MPRIP: variants seen among roughly 807,000 people sequenced by gnomAD.
The protein encoded by MPRIP is myosin phosphatase Rho interacting protein.
Under a neutral mutation model 234.9 loss-of-function variants are expected in MPRIP, and 59 were observed. That is an observed-to-expected ratio of 0.25 (90% CI 0.20 to 0.31). MPRIP has a LOEUF of 0.31. Ranked by LOEUF, MPRIP falls within the 10% of genes least tolerant of loss-of-function variation. The pLI is 1.00. For synonymous variants in MPRIP, 1,144 were observed against 1,263.9 expected (o/e 0.91, Z 2.01); for missense variants, 2,436 against 3,071.0 (o/e 0.79, Z 4.89).
At chr17:17,147,177 G>A (rs1252923415) in intron 10 of MPRIP, 142 bp from the exon 11 acceptor site, 1 of 759,468 alleles carries the variant, frequency 1.3e-6, no homozygotes, top group Non-Finnish European at 2.3e-6. Context: ...TCTGTATGCT[G>A]TCAAGGGAGG....
chr17:17,045,516 A>C (rs986357469), intron 1 of MPRIP, among the ~76,000 whole-genome samples: 2 of 152,196 alleles, frequency 1.3e-5, no homozygotes, highest in African/African-American at 4.8e-5. Flanking sequence ...CAGGATTCTG[A>C]AGCCAATGTT....
intron 3 of MPRIP, among the ~76,000 whole-genome samples, chr17:17,118,772 C>G (rs1400898455): frequency 6.6e-6 from 1 of 152,162 alleles, no homozygotes; most frequent in Admixed American, 6.5e-5. Context: ...GGATCATGAC[C>G]CCTTTTCTGC....
chr17:17,172,295 G>A (rs1420899771), intron 17 of MPRIP, among the ~76,000 whole-genome samples: 5 of 152,222 alleles, frequency 3.3e-5, no homozygotes, highest in South Asian at 2.1e-4. Context: ...CGTCCCCTCC[G>A]CCTTGTGCTG....
At chr17:17,168,172 C>T (rs1378629281) in intron 16 of MPRIP, 2 of 322,640 alleles carry the variant, frequency 6.2e-6, no homozygotes, top group African/African-American at 4.3e-5. Context: ...AGCACGTAGT[C>T]TTCCCAGCAC....
chr17:17,079,759 A>G (rs895363772), intron 3 of MPRIP, among the ~76,000 whole-genome samples: 4 of 152,258 alleles, frequency 2.6e-5, no homozygotes, highest in Non-Finnish European at 5.9e-5. Context: ...ACTAAAGTCC[A>G]GCAAAATCCA....
At chr17:17,064,191 G>GT (rs2088951134) in intron 1 of MPRIP, among the ~76,000 whole-genome samples, 1 of 147,984 alleles carries the variant, frequency 6.8e-6, no homozygotes, top group African/African-American at 2.6e-5. Flanking sequence ...TTTGTTTTTC[G>GT]GTTTTTTTTG....
intron 3 of MPRIP, among the ~76,000 whole-genome samples, chr17:17,101,261 T>C (rs776405086): frequency 2.6e-4 from 39 of 152,314 alleles, no homozygotes; most frequent in Non-Finnish European, 4.7e-4. Context: ...AGTAATGTTA[T>C]ATCCGGATAT....
chr17:17,068,532 T>TG (rs2089112244), intron 1 of MPRIP, among the ~76,000 whole-genome samples: 2 of 151,764 alleles, frequency 1.3e-5, no homozygotes, highest in Admixed American at 6.6e-5. Flanking sequence ...CCTTTATCTT[T>TG]TTTTTTTTTT....
chr17:17,131,585 T>C, intron 4 of MPRIP, 32 bp from the exon 5 acceptor site: 1 of 1,591,686 alleles, frequency 6.3e-7, no homozygotes, highest in Non-Finnish European at 8.6e-7. Context: ...GCCAGGGTCT[T>C]ACCTGGTACT....
At chr17:17,113,604 C>T (rs973022601) in intron 3 of MPRIP, among the ~76,000 whole-genome samples, 3 of 152,192 alleles carry the variant, frequency 2.0e-5, no homozygotes, top group East Asian at 1.9e-4. Flanking sequence ...TGCCATGGTA[C>T]GTGGGTGTAC....
rs141310079 is a variant in MPRIP at position 17,161,220 on chromosome 17, G to C, written c.2401-20G>C. ...TATCATTGTCATTTTGCATAAAAGT[G>C]TGTGTCTTTTTGCCAACAGCTGGAG... is the stretch of plus-strand genomic sequence containing the variant. On this transcript the variant is annotated intron_variant, in intron 14 of 23. Transcript: ENST00000651222. 8.6e-4 allele frequency: 1,339 copies of C among 1,557,082 alleles called. 7 individuals carry two copies. Among genetic ancestry groups the C allele is most frequent in the Middle Eastern group, 5.0e-3 (22 of 4,426 alleles).
At chr17:17,094,438 C>T (rs967421342) in intron 3 of MPRIP, among the ~76,000 whole-genome samples, 1 of 151,972 alleles carries the variant, frequency 6.6e-6, no homozygotes, top group Non-Finnish European at 1.5e-5. Context: ...TCTCTTTATC[C>T]CTTGAGTTCT....
rs1480200902 is a variant in MPRIP, at chr17:17,142,804, CG to C, written c.1389+44del. The C allele has an allele frequency of 3.1e-6, 5 of 1,601,956 alleles. 1 individual carries two copies. Among genetic ancestry groups the C allele is most frequent in the Non-Finnish European group, 1.7e-6 (2 of 1,174,532 alleles). ...GCTGGGCAGCACCTCAGGGGTGGCT[CG>C]GGGGCGGGTCAGCATGCACCCCATG... On this transcript the variant is annotated intron_variant, in intron 8 of 23. Transcript: ENST00000651222.
chr17:17,070,727 G>A (rs1198180115), intron 1 of MPRIP, among the ~76,000 whole-genome samples: 3 of 152,166 alleles, frequency 2.0e-5, no homozygotes, highest in African/African-American at 4.8e-5. Flanking sequence ...TTCTAGCATG[G>A]CTGTCATCTT....
chr17:17,094,612 C>G (rs1033708216), intron 3 of MPRIP, among the ~76,000 whole-genome samples: 2 of 148,484 alleles, frequency 1.3e-5, no homozygotes, highest in Admixed American at 6.7e-5. Context: ...CCTCTCCTCT[C>G]TTCACTGTCT....
intron 9 of MPRIP, among the ~76,000 whole-genome samples, chr17:17,144,465 C>T (rs901721622): frequency 2.0e-5 from 3 of 152,202 alleles, no homozygotes; most frequent in African/African-American, 4.8e-5. Context: ...AGAACACCAG[C>T]AGGGAACCCA....
At chr17:17,071,797 A>C (rs1190093053) in intron 1 of MPRIP, among the ~76,000 whole-genome samples, 1 of 152,170 alleles carries the variant, frequency 6.6e-6, no homozygotes, top group Non-Finnish European at 1.5e-5. Context: ...GGACCTGCAT[A>C]GAAAGGGGCC....
In MPRIP at chr17:17,142,609, T is replaced by A; in HGVS notation, c.1251-18T>A. On this transcript the variant is annotated intron_variant, in intron 7 of 23. Transcript: ENST00000651222. ...CTCACCTCACTGCCACCTCAGGGCC[T>A]CGTGTCCTCTCTTGCAGGAGGTCCC... 1.2e-6 allele frequency: 2 copies of A among 1,610,142 alleles called. No homozygotes were observed. Among genetic ancestry groups the A allele is most frequent in the Non-Finnish European group, 1.7e-6 (2 of 1,178,878 alleles).
intron 1 of MPRIP, among the ~76,000 whole-genome samples, chr17:17,071,359 C>T (rs988145759): frequency 2.6e-5 from 4 of 152,118 alleles, no homozygotes; most frequent in Non-Finnish European, 5.9e-5. Context: ...TTTCAGGTTG[C>T]CAGTTTCTCC....
Sources: gnomAD v4.1 joint callset for allele counts (sites outside exome capture counted in the v4.1 genomes callset) on GRCh38, gnomAD v4.1.1 for gene constraint, MANE v1.5 for transcripts, NCBI Gene and HGNC (gene_info 2026-07-23, HGNC 2026-07-21) for gene names.